EYS: variants seen among roughly 807,000 people sequenced by gnomAD.
The protein encoded by EYS is EGF-like photoreceptor maintenance factor, also known as protein eyes shut homolog.
EYS carries 250 observed loss-of-function variants against 282.1 expected under a neutral mutation model. The observed-to-expected ratio is 0.89, with a 90% CI of 0.80 to 0.98. The LOEUF is 0.98. Ranked by LOEUF, EYS falls within the 50% of genes least tolerant of loss-of-function variation. The pLI is 0.00. For missense variants in EYS, 4,016 were observed against 3,709.0 expected, an observed-to-expected ratio of 1.08 and a Z score of -2.15; for synonymous variants, 1,355 against 1,282.9, an observed-to-expected ratio of 1.06 and a Z score of -1.20.
chr6:64,943,047 T>C lies in EYS; in HGVS notation c.2381+2746A>G, dbSNP rs1009337376. Among the ~76,000 whole-genome samples the C allele has an allele frequency of 2.6e-5, 4 of 152,088 alleles. No individual in the cohort carries two copies. The South Asian group carries it at 6.2e-4, about 24-fold the overall frequency. On this transcript the variant is annotated intron_variant, in intron 15 of 42. Coordinates refer to ENST00000503581, the MANE Select transcript of EYS (RefSeq NM_001142800.2). ...CTAAGCTTCATTCCTGGGATGAAAC[T>C]GTTTCACCAAACACAAATCAATAAA...
intron 12 of EYS, among the ~76,000 whole-genome samples, chr6:65,137,601 G>A (rs1487338861): frequency 6.6e-6 from 1 of 152,196 alleles, no homozygotes; most frequent in African/African-American, 2.4e-5. Context: ...GGGAAAGCAG[G>A]AAGCCACTAA....
intron 22 of EYS, among the ~76,000 whole-genome samples, chr6:64,777,020 A>G (rs1459217513): frequency 6.6e-6 from 1 of 152,174 alleles, no homozygotes; most frequent in Admixed American, 6.6e-5. Flanking sequence ...ACCTCTTCAC[A>G]GGAGAGCAGG....
chr6:65,468,506 G>T lies in EYS; in HGVS notation c.862+22088C>A, dbSNP rs191631414. On this transcript the variant is annotated intron_variant, in intron 5 of 42. Coordinates refer to ENST00000503581, the MANE Select transcript of EYS (RefSeq NM_001142800.2). ...AGTTATTTATTTATTTATTTAGTTA[G>T]TTAGTTAGTTAGTTATTTAGTTATT... Among the ~76,000 whole-genome samples, 602 of 152,054 alleles carry T rather than the reference G, an allele frequency of 4.0e-3. 9 individuals are homozygous for T. Among genetic ancestry groups the T allele is most frequent in the Admixed American group, 0.013 (194 of 15,230 alleles).
intron 31 of EYS, among the ~76,000 whole-genome samples, chr6:64,092,216 G>C (rs1219341056): frequency 1.3e-5 from 2 of 152,164 alleles, no homozygotes; most frequent in Non-Finnish European, 2.9e-5. Flanking sequence ...AAACATACGT[G>C]TGCATGTGTC....
At chr6:65,237,611 C>T (rs2150273248) in intron 12 of EYS, among the ~76,000 whole-genome samples, 1 of 152,166 alleles carries the variant, frequency 6.6e-6, no homozygotes, top group South Asian at 2.1e-4. Context: ...TGCTATAAAC[C>T]ACATTTGTAT....
chr6:65,687,591 G>T lies in EYS; in HGVS notation c.-448+19544C>A, dbSNP rs890392183. The stretch of plus-strand genomic sequence containing the variant: ...TGGAAGTTCTGGCCAGGACAATCAG[G>T]CAAGAGAAGGAAATAAAGGGCATTC... On this transcript the variant is annotated intron_variant, in intron 1 of 42. Transcript: ENST00000503581. Among the ~76,000 whole-genome samples the T allele has an allele frequency of 3.3e-5, 5 of 152,062 alleles. No individual in the cohort carries two copies. The East Asian group carries it at 9.6e-4, about 29-fold the overall frequency.
At chr6:64,647,859 G>T (rs1239453962) in intron 22 of EYS, among the ~76,000 whole-genome samples, 1 of 152,062 alleles carries the variant, frequency 6.6e-6, no homozygotes, top group African/African-American at 2.4e-5. Context: ...TCCAGTTGGT[G>T]ATCATAAGGG....
At chr6:64,587,183 G>C (rs1294022867) in intron 26 of EYS, among the ~76,000 whole-genome samples, 1 of 151,964 alleles carries the variant, frequency 6.6e-6, no homozygotes, top group East Asian at 1.9e-4. Flanking sequence ...GTTGCTCAGA[G>C]TGTCATTTTT....
At chr6:64,089,822 C>T (rs1772292313) in intron 31 of EYS, among the ~76,000 whole-genome samples, 1 of 152,064 alleles carries the variant, frequency 6.6e-6, no homozygotes, top group Admixed American at 6.6e-5. Context: ...TAACATTTCT[C>T]CTTTTGATTG....
chr6:64,492,115 C>T (rs1776756773), intron 26 of EYS, among the ~76,000 whole-genome samples: 1 of 150,870 alleles, frequency 6.6e-6, no homozygotes, highest in African/African-American at 2.4e-5. Flanking sequence ...ATGCATATAA[C>T]CTATATCTTT....
chr6:65,676,014 T>C (rs1425159150), intron 1 of EYS, among the ~76,000 whole-genome samples: 1 of 151,736 alleles, frequency 6.6e-6, no homozygotes, highest in Non-Finnish European at 1.5e-5. Flanking sequence ...CGAGGGAAAT[T>C]AGAATATGTA....
rs542945908 is a variant in EYS, at chr6:64,347,756, G to A, written c.6079-40674C>T. ...CTCCATTTCTCCTTATATTTTAAATGTGTTTATTTGTCTTTTCCTTATCTA... is the reference window on the plus strand; with the variant it reads ...CTCCATTTCTCCTTATATTTTAAATATGTTTATTTGTCTTTTCCTTATCTA... On this transcript the variant is annotated intron_variant, in intron 29 of 42. Transcript: ENST00000503581. 1.3e-4 allele frequency among the ~76,000 whole-genome samples: 19 copies of A among 151,322 alleles called. No homozygotes were observed. The South Asian group carries it at 4.0e-3, about 31-fold the overall frequency.
At chr6:63,978,680 G>A (rs905395098) in intron 35 of EYS, among the ~76,000 whole-genome samples, 1 of 151,936 alleles carries the variant, frequency 6.6e-6, no homozygotes, top group African/African-American at 2.4e-5. Context: ...AGCAAAAATT[G>A]TGTGAGGGAT....
At position 65,286,996 on chromosome 6, in the gene EYS, C is replaced by T. The variant is rs961368430; in HGVS notation, c.2023+8867G>A. On this transcript the variant is annotated intron_variant, in intron 12 of 42. Transcript: ENST00000503581. ...GGGAGCAGCTTATAAAAGTCTTGGGCTCAGTAGTGTTATCACCTTATATTA... is the reference window on the plus strand; with the variant it reads ...GGGAGCAGCTTATAAAAGTCTTGGGTTCAGTAGTGTTATCACCTTATATTA... Among the ~76,000 whole-genome samples, 83 of 151,446 alleles carry T rather than the reference C, an allele frequency of 5.5e-4. 1 individual carries two copies. The highest frequency in any genetic ancestry group is 2.0e-3 in the African/African-American group (81 of 41,442).
Position 65,379,252 on chromosome 6 carries a change from A to G in EYS, c.1299+5134T>C, listed in dbSNP as rs371663085. Among the ~76,000 whole-genome samples the G allele has an allele frequency of 3.3e-5, 5 of 152,064 alleles. No homozygotes were observed. In the East Asian group the frequency reaches 7.7e-4, roughly 24 times the overall value. On this transcript the variant is annotated intron_variant, in intron 8 of 42. Transcript: ENST00000503581. The stretch of plus-strand genomic sequence containing the variant: ...GGCAAATGGAATCCAGCAGCACATC[A>G]AAAAGCTTATCCACCACGACCAATT...
Position 64,722,529 on chromosome 6 carries a change from A to C in EYS, c.3443+90849T>G, listed in dbSNP as rs184304859. 7.2e-4 allele frequency among the ~76,000 whole-genome samples: 109 copies of C among 151,960 alleles called. 2 individuals are homozygous for C. In the East Asian group the frequency reaches 0.019, roughly 26 times the overall value. ...AGTAAATTATTTGAAAAAAAAAAAA[A>C]CCAGAAACTAACCCATCTGAATCCA... On this transcript the variant is annotated intron_variant, in intron 22 of 42. Transcript: ENST00000503581.
rs1764877799 is a variant in EYS at position 64,820,871 on chromosome 6, TG to T, written c.3243+773del. On this transcript the variant is annotated intron_variant, in intron 21 of 42. Coordinates refer to ENST00000503581, the MANE Select transcript of EYS (RefSeq NM_001142800.2). Reference sequence around the variant, plus strand: ...TACATTCTCACACATGACCCTGTGATGTCAGAACTAGTATAGCTATGTTTTA... The same window carrying T: ...TACATTCTCACACATGACCCTGTGATTCAGAACTAGTATAGCTATGTTTTA... 4.6e-5 allele frequency among the ~76,000 whole-genome samples: 7 copies of T among 152,240 alleles called. No individual in the cohort carries two copies. The South Asian group carries it at 1.4e-3, about 32-fold the overall frequency.
chr6:64,057,024 T>A (rs1260318075), intron 33 of EYS, among the ~76,000 whole-genome samples: 2 of 152,156 alleles, frequency 1.3e-5, no homozygotes, highest in East Asian at 3.8e-4. Context: ...CAGAATTCTA[T>A]CTCAAATAGC....
intron 22 of EYS, among the ~76,000 whole-genome samples, chr6:64,696,303 A>C (rs1770577294): frequency 6.6e-6 from 1 of 152,172 alleles, no homozygotes; most frequent in Non-Finnish European, 1.5e-5. Flanking sequence ...GACTTTATCC[A>C]ATGAGACAAA....
Sources: gnomAD v4.1 joint callset for allele counts (sites outside exome capture counted in the v4.1 genomes callset) on GRCh38, gnomAD v4.1.1 for gene constraint, MANE v1.5 for transcripts, NCBI Gene and HGNC (gene_info 2026-07-23, HGNC 2026-07-21) for gene names.